The following TTC7A variants were observed in gnomAD, a reference collection of about 807,000 sequenced individuals.
TTC7A encodes tetratricopeptide repeat protein 7A.
TTC7A carries 110 observed loss-of-function variants against 103.7 expected under a neutral mutation model. That is an observed-to-expected ratio of 1.06 (90% CI 0.91 to 1.24). The LOEUF (loss-of-function observed/expected upper bound fraction) is 1.24. TTC7A is among the 50% of genes most tolerant of loss of function. The pLI is 0.00. For synonymous variants in TTC7A, 521 were observed against 467.9 expected, an observed-to-expected ratio of 1.11 and a Z score of -1.47; for missense variants, 1,340 against 1,116.3, an observed-to-expected ratio of 1.20 and a Z score of -2.86.
At chr2:47,072,235 C>A (rs369276588) in intron 19 of TTC7A, among the ~76,000 whole-genome samples, 1 of 152,192 alleles carries the variant, frequency 6.6e-6, no homozygotes, top group African/African-American at 2.4e-5. Flanking sequence ...GGCTCCACCC[C>A]GCCTGCAGCC....
chr2:47,051,660 C>T, intron 17 of TTC7A, 86 bp from the exon 18 acceptor site: 2 of 1,478,706 alleles, frequency 1.4e-6, no homozygotes, highest in Non-Finnish European at 1.8e-6. Context: ...CCCTGTCTCC[C>T]CATGGTGCTG....
At chr2:46,923,635 T>A (rs1455409792) in intron 2 of TTC7A, among the ~76,000 whole-genome samples, 1 of 152,184 alleles carries the variant, frequency 6.6e-6, no homozygotes, top group Non-Finnish European at 1.5e-5. Flanking sequence ...TTCATGCCTG[T>A]AATCCTAACA....
At chr2:47,064,564 C>T (rs1037715716) in intron 19 of TTC7A, among the ~76,000 whole-genome samples, 4 of 152,212 alleles carry the variant, frequency 2.6e-5, no homozygotes, top group Admixed American at 6.5e-5. Flanking sequence ...AAGGGACCCC[C>T]GGCAGCCTGC....
At chr2:47,058,571 A>T (rs1404222055) in intron 18 of TTC7A, among the ~76,000 whole-genome samples, 3 of 152,330 alleles carry the variant, frequency 2.0e-5, no homozygotes, top group East Asian at 3.9e-4. Flanking sequence ...CTCAGCTGTC[A>T]GCTTTTGCTA....
intron 14 of TTC7A, among the ~76,000 whole-genome samples, chr2:47,026,837 A>G (rs1221908837): frequency 6.6e-6 from 1 of 152,224 alleles, no homozygotes; most frequent in African/African-American, 2.4e-5. Context: ...ACTGCAGCTC[A>G]GAGAGGTGAG....
At chr2:46,926,978 A>T (rs1669416976) in intron 2 of TTC7A, among the ~76,000 whole-genome samples, 1 of 152,208 alleles carries the variant, frequency 6.6e-6, no homozygotes, top group Non-Finnish European at 1.5e-5. Flanking sequence ...TATAACGGAT[A>T]GATTGAACTA....
intron 16 of TTC7A, chr2:47,047,355 A>G: frequency 6.6e-7 from 1 of 1,515,018 alleles, no homozygotes; most frequent in East Asian, 2.5e-5. Context: ...GACAGAGTAA[A>G]ACACCTTGGG....
chr2:46,992,360 G>A (rs1486057489), intron 5 of TTC7A, among the ~76,000 whole-genome samples: 3 of 152,250 alleles, frequency 2.0e-5, no homozygotes, highest in African/African-American at 7.2e-5. Context: ...GAATTAACAG[G>A]CAGGGCAGCA....
intron 2 of TTC7A, among the ~76,000 whole-genome samples, chr2:46,931,509 G>A (rs1669700351): frequency 6.6e-6 from 1 of 151,356 alleles, no homozygotes; most frequent in Non-Finnish European, 1.5e-5. Context: ...TTTCTAAGAG[G>A]GAAACAGGAG....
intron 8 of TTC7A, among the ~76,000 whole-genome samples, chr2:46,999,040 C>T (rs1676513172): frequency 6.6e-6 from 1 of 152,120 alleles, no homozygotes; most frequent in Non-Finnish European, 1.5e-5. Flanking sequence ...ATATATCGAT[C>T]ACCGACCCAC....
chr2:47,016,477 C>T (rs1184748822), intron 11 of TTC7A, among the ~76,000 whole-genome samples: 2 of 152,126 alleles, frequency 1.3e-5, no homozygotes, highest in Non-Finnish European at 2.9e-5. Flanking sequence ...CCAGGGGAGC[C>T]CCTAATCACT....
In TTC7A at chr2:47,022,078, CATGCCTCCA is replaced by C; in HGVS notation, c.1510+100_1510+108del. ...CCTACCGGCACCCCTCCCCTCAGGC[CATGCCTCCA>C]TAGACACCATGCACTCCTCTGGGAG... is the stretch of plus-strand genomic sequence containing the variant. On this transcript the variant is annotated intron_variant, in intron 12 of 19. Coordinates refer to ENST00000319190, the MANE Select transcript of TTC7A (RefSeq NM_020458.4). 5.0e-6 allele frequency: 4 copies of C among 798,020 alleles called. No homozygotes were observed. In the East Asian group the frequency reaches 1.0e-4, roughly 20 times the overall value. The allele number at this position is 798,020 out of a possible 1,614,324, so 49.4% of individuals were successfully genotyped here.
intron 3 of TTC7A, among the ~76,000 whole-genome samples, chr2:46,963,454 G>T (rs1197973387): frequency 6.6e-6 from 1 of 152,236 alleles, no homozygotes; most frequent in African/African-American, 2.4e-5. Flanking sequence ...CGGTAGTGCT[G>T]CTGCTGTCTA....
At chr2:47,002,377 A>G (rs1226340516) in intron 8 of TTC7A, among the ~76,000 whole-genome samples, 1 of 152,202 alleles carries the variant, frequency 6.6e-6, no homozygotes, top group Non-Finnish European at 1.5e-5. Flanking sequence ...CGGTGAGAAG[A>G]TTTAATGTTC....
intron 17 of TTC7A, chr2:47,050,265 C>T: frequency 1.8e-6 from 1 of 566,428 alleles, no homozygotes; most frequent in Non-Finnish European, 3.2e-6. Context: ...GGAACCCTGC[C>T]TCCTGCATGG....
At chr2:47,006,869 T>A (rs1677467650) in intron 10 of TTC7A, 145 bp downstream of exon 10, 6 of 677,848 alleles carry the variant, frequency 8.9e-6, no homozygotes, top group Non-Finnish European at 1.6e-5. Flanking sequence ...GGGCGTGGGG[T>A]GGGCCACACA....
chr2:46,948,435 C>G (rs1671119958), intron 1 of TTC7A, among the ~76,000 whole-genome samples: 2 of 152,250 alleles, frequency 1.3e-5, no homozygotes, highest in South Asian at 2.1e-4. Context: ...ATAGTTTGAA[C>G]CAGGTACTTT....
At position 46,975,027 on chromosome 2, in the gene TTC7A, AGAGG is replaced by A; in HGVS notation, c.577_580del (p.Glu193ArgfsTer3). ...ATCGCCTCCCGCTTCCGCCTGACAG[AGAGG>A]GAGGAGGAAGTGATCACCTGTTTTG... On this transcript the variant is annotated frameshift_variant, in exon 4 of 20. Transcript: ENST00000319190. LOFTEE classifies it high-confidence loss of function. 2 of 1,613,998 alleles carry A rather than the reference AGAGG, an allele frequency of 1.2e-6. No individual in the cohort carries two copies. The highest frequency in any genetic ancestry group is 1.7e-6 in the Non-Finnish European group (2 of 1,179,940).
chr2:46,984,951 G>A (rs898896358), intron 5 of TTC7A, among the ~76,000 whole-genome samples: 9 of 152,260 alleles, frequency 5.9e-5, no homozygotes, highest in African/African-American at 1.4e-4. Flanking sequence ...TGCACGGTGC[G>A]CTGACTCCCA....
Sources: allele counts gnomAD v4.1 joint callset (sites outside exome capture counted in the v4.1 genomes callset), GRCh38; gene constraint gnomAD v4.1.1; transcripts MANE v1.5; gene names NCBI Gene and HGNC (gene_info 2026-07-23, HGNC 2026-07-21).